CPNE7: variants seen among roughly 807,000 people sequenced by gnomAD.
CPNE7 encodes copine 7, also known as copine-7.
CPNE7 carries 78 observed loss-of-function variants against 66.5 expected under a neutral mutation model. The ratio of observed to expected loss-of-function variants is 1.17; its 90% confidence interval spans 0.98 to 1.42. The LOEUF is 1.42. Ranked by LOEUF, CPNE7 falls within the 40% of genes most tolerant of loss-of-function variation. The probability of loss-of-function intolerance (pLI) is 0.00; values close to 1 mark genes in which losing one functional copy is unlikely to be tolerated. For synonymous variants in CPNE7, 468 were observed against 336.7 expected, an observed-to-expected ratio of 1.39 and a Z score of -4.27; for missense variants, 1,012 against 776.6, an observed-to-expected ratio of 1.30 and a Z score of -3.60.
chr16:89,588,564 G>T (rs766321365), intron 9 of CPNE7, 111 bp from the exon 10 acceptor site: 6 of 1,391,226 alleles, frequency 4.3e-6, no homozygotes, highest in Non-Finnish European at 5.9e-6. Flanking sequence ...ACCCACCTAC[G>T]CGACCCCTGA....
chr16:89,583,561 C>A (rs775593028), intron 2 of CPNE7, 136 bp from the exon 3 acceptor site: 2 of 1,593,936 alleles, frequency 1.3e-6, no homozygotes, highest in South Asian at 2.2e-5. Flanking sequence ...GGGGCGCGGG[C>A]CCTGGGCAGT....
rs1468324372 is a variant in CPNE7 at position 89,596,807 on chromosome 16, G to C, written c.*186G>C. The C allele has an allele frequency of 7.2e-6, 5 of 692,638 alleles. No homozygotes were observed. The East Asian group carries it at 1.6e-4, about 23-fold the overall frequency. The allele number at this position is 692,638 out of a possible 1,614,324, so 42.9% of individuals were successfully genotyped here. A position where few individuals can be genotyped will look rare whatever the true frequency, so the allele number is the denominator to read the frequency against. On this transcript the variant is annotated 3_prime_UTR_variant, in exon 15 of 15. Coordinates refer to ENST00000319518, the MANE Select transcript of CPNE7 (RefSeq NM_153636.3). ...CGGCTCTGGGGCCCCCAAGGCCGAA[G>C]GGTGACAAAATACAGGCCCCCATGC...
chr16:89,576,044 G>A lies in CPNE7; in HGVS notation c.147G>A (p.Leu49=). The A allele has an allele frequency of 7.6e-7, 1 of 1,318,790 alleles. No homozygotes were observed. Among genetic ancestry groups the A allele is most frequent in the Non-Finnish European group, 9.7e-7 (1 of 1,034,690 alleles). The allele number at this position is 1,318,790 out of a possible 1,614,324, so 81.7% of individuals were successfully genotyped here. A position where few individuals can be genotyped will look rare whatever the true frequency, so the allele number is the denominator to read the frequency against. Residue 49 remains leucine, a synonymous_variant, in exon 1 of 15, where the codon CTG becomes CTA. Transcript: ENST00000319518. The part of the protein sequence containing the change: ...LTKSDPSVAL[L]QQAQGQWVQV... ...AGTCCGACCCCAGCGTGGCGTTGCT[G>A]CAGCAGGCGCAGGGCCAGTGGGTGC...
At chr16:89,588,635 C>CCCCGGCCCAGCACAGCTCCTGGCT (rs747324088) in intron 9 of CPNE7, 40 bp from the exon 10 acceptor site, 3 of 1,610,222 alleles carry the variant, frequency 1.9e-6, no homozygotes, top group African/African-American at 2.7e-5. Context: ...GTTCGGGGAG[C>CCCCGGCCCAGCACAGCTCCTGGCT]CCCGGCCCAG....
At chr16:89,586,125 T>G (rs1041135815) in intron 7 of CPNE7, among the ~76,000 whole-genome samples, 21 of 151,620 alleles carry the variant, frequency 1.4e-4, no homozygotes, top group African/African-American at 1.9e-4. Flanking sequence ...GTGTTGGCCC[T>G]GCCACAGAGG....
At chr16:89,588,567 A>C (rs1373047845) in intron 9 of CPNE7, 108 bp from the exon 10 acceptor site, 2 of 1,422,540 alleles carry the variant, frequency 1.4e-6, no homozygotes, top group South Asian at 1.3e-5. Flanking sequence ...CACCTACGCG[A>C]CCCCTGACCC....
chr16:89,580,132 C>T (rs2058928601), intron 2 of CPNE7, among the ~76,000 whole-genome samples: 2 of 53,266 alleles, frequency 3.8e-5, no homozygotes, highest in Non-Finnish European at 1.1e-4. Context: ...CCCGCTGACA[C>T]AGAACATCTC....
At chr16:89,587,648 TGTCACCCCCATGTCACCCGCAGACCCCGC>T (rs1438193389) in intron 9 of CPNE7, 36 of 445,304 alleles carry the variant, frequency 8.1e-5, no homozygotes, top group Non-Finnish European at 1.4e-4. Context: ...ACAGACCCCG[TGTCACCCCCATGTCACCCGCAGACCCCGC>T]GTCACCCATA....
chr16:89,585,363 G>C (rs1161229429), intron 5 of CPNE7, 101 bp from the exon 6 acceptor site: 4 of 820,436 alleles, frequency 4.9e-6, no homozygotes, highest in Non-Finnish European at 8.1e-6. Flanking sequence ...GGCAGGGCCA[G>C]CTGTGCCCGC....
intron 2 of CPNE7, among the ~76,000 whole-genome samples, chr16:89,578,074 T>C (rs1307606935): frequency 6.7e-6 from 1 of 149,424 alleles, no homozygotes; most frequent in African/African-American, 2.5e-5. Context: ...TTTCTTTTTT[T>C]TTTTTTTTGA....
chr16:89,577,718 G>A lies in CPNE7; in HGVS notation c.354G>A (p.Gly118=), dbSNP rs2058882566. 1 of 1,588,796 alleles carries A rather than the reference G, an allele frequency of 6.3e-7. No individual in the cohort carries two copies. Among genetic ancestry groups the A allele is most frequent in the Non-Finnish European group, 8.6e-7 (1 of 1,167,966 alleles). Residue 118 remains glycine, a synonymous_variant, in exon 2 of 15, where the codon GGG becomes GGA. Coordinates refer to ENST00000319518, the MANE Select transcript of CPNE7 (RefSeq NM_153636.3). The part of the protein sequence containing the change: ...DFLGGMECTL[G]QIVAQKKVTR... ...TGGGGGGCATGGAGTGCACCCTGGGGCAGGTGGGTGCCCCGTCCCCTCGGA... is the reference window on the plus strand; with the variant it reads ...TGGGGGGCATGGAGTGCACCCTGGGACAGGTGGGTGCCCCGTCCCCTCGGA...
rs561118662 is a variant in CPNE7 at position 89,577,579 on chromosome 16, T to C, written c.215T>C (p.Val72Ala). Residue 72 changes from valine (V) to alanine (A), a missense_variant, in exon 2 of 15, where the codon GTG becomes GCG. By Grantham distance (64) the Val-to-Ala change is moderately conservative. Coordinates refer to ENST00000319518, the MANE Select transcript of CPNE7 (RefSeq NM_153636.3). Reference sequence around the variant, plus strand: ...GTGGTCCGGAGCAGCCTGCATCCCGTGTTCTCCAAGGTCTTCACGGTGGAC... The same window carrying C: ...GTGGTCCGGAGCAGCCTGCATCCCGCGTTCTCCAAGGTCTTCACGGTGGAC... ...TEVVRSSLHP[V>A]FSKVFTVDYY... is the part of the protein sequence containing the mutation. 8 of 1,553,182 alleles carry C rather than the reference T, an allele frequency of 5.2e-6. No individual in the cohort carries two copies. The African/African-American group carries it at 1.1e-4, about 21-fold the overall frequency.
rs532528747 is a variant in CPNE7 at position 89,585,609 on chromosome 16, C to T, written c.681+56C>T. 113 of 1,550,402 alleles carry T rather than the reference C, an allele frequency of 7.3e-5. No homozygotes were observed. In the South Asian group the frequency reaches 8.4e-4, roughly 11 times the overall value. On this transcript the variant is annotated intron_variant, in intron 6 of 14. Transcript: ENST00000319518. Reference sequence around the variant, plus strand: ...GAGGGGGTGGCCTGGATGTGGGCTGCGATGGAGACACCTGGGCTCGGGTGG... The same window carrying T: ...GAGGGGGTGGCCTGGATGTGGGCTGTGATGGAGACACCTGGGCTCGGGTGG...
At position 89,595,690 on chromosome 16, in the gene CPNE7, G is replaced by A. The variant is rs141863766; in HGVS notation, c.1539+87G>A. 3.6e-4 allele frequency: 418 copies of A among 1,175,258 alleles called. 5 individuals are homozygous for A. Among genetic ancestry groups the A allele is most frequent in the South Asian group, 3.3e-3 (246 of 74,736 alleles). 72.8% of individuals were successfully genotyped at this position (1,175,258 alleles called of 1,614,324 possible). A position where few individuals can be genotyped will look rare whatever the true frequency, so the allele number is the denominator to read the frequency against. On this transcript the variant is annotated intron_variant, in intron 14 of 14. Coordinates refer to ENST00000319518, the MANE Select transcript of CPNE7 (RefSeq NM_153636.3). ...CAAGACCTTCCCAGGCCAGGCTCAC[G>A]CCAGTGGATGTGGCAGGTCCCTTCT...
In CPNE7 at chr16:89,588,236, G is replaced by A. The variant is rs539502901; in HGVS notation, c.928-439G>A. Among the ~76,000 whole-genome samples, 6 of 151,354 alleles carry A rather than the reference G, an allele frequency of 4.0e-5. No homozygotes were observed. The East Asian group carries it at 9.7e-4, about 25-fold the overall frequency. On this transcript the variant is annotated intron_variant, in intron 9 of 14. Transcript: ENST00000319518. ...TCACCCACAGATACACGGCCCCCGTGTCACCCGCGTGTTATTTGCAGATGC... is the reference window on the plus strand; with the variant it reads ...TCACCCACAGATACACGGCCCCCGTATCACCCGCGTGTTATTTGCAGATGC...
In CPNE7 at chr16:89,583,609, T is replaced by C. The variant is rs529632953; in HGVS notation, c.358-88T>C. On this transcript the variant is annotated intron_variant, in intron 2 of 14. Coordinates refer to ENST00000319518, the MANE Select transcript of CPNE7 (RefSeq NM_153636.3). ...GGGGGATGGGGAGACAGGACAGGCC[T>C]GAGAGTCCGGGTGAGGGCGCGGTGG... The C allele has an allele frequency of 7.2e-4, 1,163 of 1,606,952 alleles. 6 individuals carry two copies. The African/African-American group carries it at 0.013, about 18-fold the overall frequency.
intron 11 of CPNE7, among the ~76,000 whole-genome samples, chr16:89,590,248 G>A (rs1424389007): frequency 1.1e-4 from 16 of 152,242 alleles, no homozygotes. Flanking sequence ...GCTTCGGCCA[G>A]GCGTGGTGGC....
intron 9 of CPNE7, 26 bp from the exon 10 acceptor site, chr16:89,588,649 A>C: frequency 6.2e-7 from 1 of 1,612,470 alleles, no homozygotes; most frequent in Non-Finnish European, 8.5e-7. Flanking sequence ...GGCCCAGCAC[A>C]GCTCCTGGCT....
intron 7 of CPNE7, 103 bp from the exon 8 acceptor site, chr16:89,586,567 C>G: frequency 1.1e-6 from 1 of 892,192 alleles, no homozygotes; most frequent in Non-Finnish European, 1.8e-6. Flanking sequence ...CTCCCCACCA[C>G]GGGGCCCTCT....
Sources: allele counts gnomAD v4.1 joint callset (sites outside exome capture counted in the v4.1 genomes callset), GRCh38; gene constraint gnomAD v4.1.1; transcripts MANE v1.5; gene names NCBI Gene and HGNC (gene_info 2026-07-23, HGNC 2026-07-21).